Variants in TANK observed in about 807,000 individuals in gnomAD.
TANK encodes the protein TRAF family member associated NFKB activator, also known as TRAF family member-associated NF-kappa-B activator.
TANK carries 15 observed loss-of-function variants against 43.6 expected under a neutral mutation model. That is an observed-to-expected ratio of 0.34 (90% CI 0.23 to 0.53). TANK has a LOEUF of 0.53. Among genes scored for constraint, TANK ranks in the 20% least tolerant of loss-of-function variants. The pLI, the probability that TANK is intolerant of heterozygous loss-of-function variation, is 0.94. For synonymous variants in TANK, 162 were observed against 178.2 expected (o/e 0.91, Z 0.73); for missense variants, 417 against 498.6 (o/e 0.84, Z 1.56).
upstream of TANK, chr2:161,160,361 A>C (rs1684354931): frequency 3.6e-6 from 4 of 1,122,298 alleles, no homozygotes; most frequent in South Asian, 1.3e-4. Flanking sequence ...GGAGGTGAAG[A>C]GTTAATGGCT....
At chr2:161,201,076 A>G in intron 2 of TANK, 1 of 982,814 alleles carries the variant, frequency 1.0e-6, no homozygotes, top group Non-Finnish European at 1.2e-6. Context: ...TAACTGCTAA[A>G]TACAAGTATG....
At chr2:161,206,436 G>C (rs986297589) in intron 4 of TANK, among the ~76,000 whole-genome samples, 1 of 151,934 alleles carries the variant, frequency 6.6e-6, no homozygotes, top group Non-Finnish European at 1.5e-5. Flanking sequence ...CACTTTGTTA[G>C]GGTTATTCAG....
In TANK at chr2:161,224,622, T is replaced by G; in HGVS notation, c.405-9T>G. ...CTTTACATTTTAAAATGTTGATTTTTTTTTTTAGGGGTAATATAGAGAAGA... is the reference window on the plus strand; with the variant it reads ...CTTTACATTTTAAAATGTTGATTTTGTTTTTTAGGGGTAATATAGAGAAGA... On this transcript the variant is annotated splice_polypyrimidine_tract_variant and intron_variant, in intron 5 of 7. Coordinates refer to ENST00000392749, the MANE Select transcript of TANK (RefSeq NM_001199135.3). 7.3e-7 allele frequency: 1 copy of G among 1,363,566 alleles called. No individual in the cohort carries two copies. Among genetic ancestry groups the G allele is most frequent in the Non-Finnish European group, 1.0e-6 (1 of 1,004,964 alleles). The allele number at this position is 1,363,566 out of a possible 1,614,324, so 84.5% of individuals were successfully genotyped here. A position where few individuals can be genotyped will look rare whatever the true frequency, so the allele number is the denominator to read the frequency against.
At position 161,171,540 on chromosome 2, in the gene TANK, G is replaced by T. The variant is rs554750916; in HGVS notation, c.-49-8074G>T. Among the ~76,000 whole-genome samples the T allele has an allele frequency of 2.4e-4, 37 of 152,278 alleles. No homozygotes were observed. The South Asian group carries it at 7.5e-3, about 31-fold the overall frequency. On this transcript the variant is annotated intron_variant, in intron 1 of 7. Transcript: ENST00000392749. The stretch of plus-strand genomic sequence containing the variant: ...CCAGTGGTTAAGAGCACAGAGTAAA[G>T]CTTTATAATTATGTAGGTTTTTGCC...
chr2:161,226,002 A>G (rs777853364), intron 6 of TANK, among the ~76,000 whole-genome samples: 1 of 152,140 alleles, frequency 6.6e-6, no homozygotes, highest in African/African-American at 2.4e-5. Flanking sequence ...GATCTTTTGT[A>G]TGGACTAAAG....
intron 2 of TANK, among the ~76,000 whole-genome samples, chr2:161,191,301 A>T (rs1404427425): frequency 1.3e-5 from 2 of 152,342 alleles, no homozygotes; most frequent in South Asian, 2.1e-4. Context: ...TAAAGTAAAC[A>T]ATTCAAGATG....
At chr2:161,190,012 G>A (rs62194215) in intron 2 of TANK, among the ~76,000 whole-genome samples, 10 of 152,134 alleles carry the variant, frequency 6.6e-5, no homozygotes, top group South Asian at 2.1e-4. Context: ...ACTTTTGTGC[G>A]TCAAAGGGCA....
intron 7 of TANK, among the ~76,000 whole-genome samples, chr2:161,233,519 A>T (rs903546261): frequency 6.6e-6 from 1 of 152,158 alleles, no homozygotes; most frequent in Non-Finnish European, 1.5e-5. Flanking sequence ...ATTACTACTA[A>T]ACATCTATTT....
chr2:161,202,525 A>G (rs1686468041), intron 2 of TANK, among the ~76,000 whole-genome samples: 3 of 152,116 alleles, frequency 2.0e-5, no homozygotes, highest in Admixed American at 1.3e-4. Flanking sequence ...TTTTAAGTTT[A>G]TTGGTCTCTG....
At chr2:161,236,230 A>AG (rs1375509290), downstream of TANK, 22 of 150,464 alleles carry the variant, frequency 1.5e-4, no homozygotes, top group African/African-American at 3.9e-4. Context: ...AAAAAAAAAA[A>AG]GGGAAGGAAG....
In TANK at chr2:161,235,693, T is replaced by C. The variant is rs1688143497; in HGVS notation, c.*175T>C. On this transcript the variant is annotated 3_prime_UTR_variant, in exon 8 of 8. Coordinates refer to ENST00000392749, the MANE Select transcript of TANK (RefSeq NM_001199135.3). The stretch of plus-strand genomic sequence containing the variant: ...ACTCTTATTTTTTAAAAGATCATTC[T>C]GTTCTTTCAAGGAGAAATAAGCCTA... The C allele has an allele frequency of 6.0e-6, 3 of 501,438 alleles. No homozygotes were observed. Among genetic ancestry groups the C allele is most frequent in the Non-Finnish European group, 9.9e-6 (3 of 303,296 alleles). The allele number at this position is 501,438 out of a possible 1,614,324, so 31.1% of individuals were successfully genotyped here.
At chr2:161,141,203 T>TA (rs1166520285) in intron 1 of TANK, among the ~76,000 whole-genome samples, 2 of 152,172 alleles carry the variant, frequency 1.3e-5, no homozygotes, top group Non-Finnish European at 2.9e-5. Context: ...AGTGTACTAT[T>TA]AAGCAGTTGT....
At chr2:161,221,877 AC>A (rs796958480) in intron 4 of TANK, among the ~76,000 whole-genome samples, 20 of 152,212 alleles carry the variant, frequency 1.3e-4, no homozygotes, top group African/African-American at 4.6e-4. Flanking sequence ...TGTGTTTCTA[AC>A]CCCAAAGAAG....
At chr2:161,160,652 G>A in intron 1 of TANK, 166 bp downstream of exon 1, 1 of 562,672 alleles carries the variant, frequency 1.8e-6, no homozygotes, top group Admixed American at 3.4e-5. Context: ...GGGATTTTGT[G>A]CGGGAGAAAC....
chr2:161,232,702 C>G (rs753225862), intron 7 of TANK: 1 of 1,534,124 alleles, frequency 6.5e-7, no homozygotes, highest in Non-Finnish European at 8.8e-7. Flanking sequence ...ACTTTTTTCT[C>G]TATTATATGT....
chr2:161,217,452 C>T (rs1232751132), intron 4 of TANK, among the ~76,000 whole-genome samples: 4 of 152,124 alleles, frequency 2.6e-5, no homozygotes, highest in East Asian at 1.9e-4. Flanking sequence ...TGTGCCTCTA[C>T]TGCAGTGTGG....
intron 2 of TANK, among the ~76,000 whole-genome samples, chr2:161,186,800 A>G (rs1685681602): frequency 6.6e-6 from 1 of 152,208 alleles, no homozygotes; most frequent in Non-Finnish European, 1.5e-5. Flanking sequence ...AGCAGACTGT[A>G]TAAAGAAAAT....
intron 1 of TANK, among the ~76,000 whole-genome samples, chr2:161,174,070 C>G (rs1490195551): frequency 6.6e-6 from 1 of 152,070 alleles, no homozygotes; most frequent in Admixed American, 6.6e-5. Context: ...TATTGAGGAA[C>G]AAATAACATA....
Position 161,223,898 on chromosome 2 carries a change from C to T in TANK, c.328-17C>T. 1.3e-6 allele frequency: 2 copies of T among 1,556,396 alleles called. No homozygotes were observed. The highest frequency in any genetic ancestry group is 8.8e-7 in the Non-Finnish European group (1 of 1,134,584). ...AGCAATTTAAAGTAGTAATAGTAATCATTTTGTATGTTTAAGGTAAGAAGA... is the reference window on the plus strand; with the variant it reads ...AGCAATTTAAAGTAGTAATAGTAATTATTTTGTATGTTTAAGGTAAGAAGA... On this transcript the variant is annotated splice_polypyrimidine_tract_variant and intron_variant, in intron 4 of 7. Coordinates refer to ENST00000392749, the MANE Select transcript of TANK (RefSeq NM_001199135.3).
Sources: allele counts gnomAD v4.1 joint callset (sites outside exome capture counted in the v4.1 genomes callset), GRCh38; gene constraint gnomAD v4.1.1; transcripts MANE v1.5; gene names NCBI Gene and HGNC (gene_info 2026-07-23, HGNC 2026-07-21).